The following CUX1 variants were observed in gnomAD, a reference collection of about 807,000 sequenced individuals.
The protein encoded by CUX1 is protein CASP.
A neutral mutation model predicts 158.8 loss-of-function variants in CUX1; 31 were observed. The observed-to-expected ratio is 0.20, with a 90% CI of 0.15 to 0.26. The LOEUF is 0.26. CUX1 is among the 10% of genes least tolerant of loss of function. The probability of loss-of-function intolerance (pLI) is 1.00; values close to 1 mark genes in which losing one functional copy is unlikely to be tolerated. For missense variants in CUX1, 1,589 were observed against 2,014.6 expected (o/e 0.79, Z 4.04); for synonymous variants, 879 against 862.1 (o/e 1.02, Z -0.34).
At chr7:101,835,021 TA>T (rs1794471671) in intron 1 of CUX1, among the ~76,000 whole-genome samples, 1 of 132,982 alleles carries the variant, frequency 7.5e-6, no homozygotes, top group Non-Finnish European at 1.7e-5. Flanking sequence ...AATAAATAAA[TA>T]AATAAATAAA....
At chr7:102,150,189 T>C (rs1229107527) in intron 8 of CUX1, among the ~76,000 whole-genome samples, 2 of 152,224 alleles carry the variant, frequency 1.3e-5, no homozygotes, top group African/African-American at 4.8e-5. Flanking sequence ...AGGGTCTCGC[T>C]CTGGTACCCA....
intron 4 of CUX1, among the ~76,000 whole-genome samples, chr7:102,079,767 A>G (rs576983526): frequency 3.3e-5 from 5 of 152,210 alleles, no homozygotes; most frequent in African/African-American, 1.2e-4. Flanking sequence ...CCCAAACAAA[A>G]CAGGACAGAA....
At chr7:102,033,917 A>C (rs1021484849) in intron 3 of CUX1, among the ~76,000 whole-genome samples, 7 of 152,074 alleles carry the variant, frequency 4.6e-5, no homozygotes, top group African/African-American at 7.2e-5. Flanking sequence ...AGGCTGAGGC[A>C]GGCAGATCAC....
At chr7:102,039,796 A>G (rs927278062) in intron 3 of CUX1, among the ~76,000 whole-genome samples, 6 of 152,036 alleles carry the variant, frequency 3.9e-5, no homozygotes, top group African/African-American at 9.7e-5. Flanking sequence ...GTGTACATCC[A>G]TAACTGTGTC....
chr7:102,176,716 C>A (rs1792395773), intron 10 of CUX1, among the ~76,000 whole-genome samples: 1 of 151,882 alleles, frequency 6.6e-6, no homozygotes, highest in South Asian at 2.1e-4. Context: ...GGACTATAGG[C>A]ATGCACCACA....
chr7:102,136,643 C>A (rs1469752356), intron 8 of CUX1, among the ~76,000 whole-genome samples: 1 of 152,234 alleles, frequency 6.6e-6, no homozygotes, highest in East Asian at 1.9e-4. Context: ...CCCACCTTGG[C>A]CTCCCAAAGT....
chr7:102,185,860 A>G (rs1793567924), intron 11 of CUX1, among the ~76,000 whole-genome samples: 1 of 152,098 alleles, frequency 6.6e-6, no homozygotes. Flanking sequence ...CTCTGTCAAG[A>G]TCTGCACTGT....
At chr7:102,017,470 C>T (rs1563135702) in intron 2 of CUX1, among the ~76,000 whole-genome samples, 1 of 108,754 alleles carries the variant, frequency 9.2e-6, no homozygotes, top group African/African-American at 3.4e-5. Flanking sequence ...TCACCATTCT[C>T]GCTAAGCTCC....
At chr7:101,955,490 T>A (rs967329749) in intron 2 of CUX1, among the ~76,000 whole-genome samples, 1 of 152,176 alleles carries the variant, frequency 6.6e-6, no homozygotes. Context: ...GAGCTGGAGT[T>A]CCACCAGGTC....
intron 1 of CUX1, among the ~76,000 whole-genome samples, chr7:101,906,646 C>T (rs1348198287): frequency 6.6e-6 from 1 of 152,100 alleles, no homozygotes; most frequent in Non-Finnish European, 1.5e-5. Flanking sequence ...CTTTCTAGGC[C>T]CCCACTGCAT....
At chr7:102,236,321 G>C (rs1447897769) in intron 22 of CUX1, among the ~76,000 whole-genome samples, 14 of 152,150 alleles carry the variant, frequency 9.2e-5, no homozygotes, top group Admixed American at 9.2e-4. Context: ...GCCTGCCCTT[G>C]GGCCTGTAGT....
chr7:102,015,149 GATGA>G (rs758019991), intron 2 of CUX1, among the ~76,000 whole-genome samples: 1 of 152,178 alleles, frequency 6.6e-6, no homozygotes, highest in Non-Finnish European at 1.5e-5. Context: ...GCACACAAGC[GATGA>G]ATAAACGTGA....
chr7:102,233,888 T>A (rs782110613), intron 21 of CUX1, among the ~76,000 whole-genome samples, 164 bp from the exon 22 acceptor site: 29 of 152,186 alleles, frequency 1.9e-4, no homozygotes, highest in Admixed American at 2.0e-4. Context: ...ATAAGTCTGG[T>A]TGAAGATATA....
intron 4 of CUX1, among the ~76,000 whole-genome samples, chr7:102,093,803 C>T (rs782129075): frequency 2.6e-5 from 4 of 152,288 alleles, no homozygotes; most frequent in South Asian, 2.1e-4. Flanking sequence ...ACAAGATTGT[C>T]GCATTGGGTG....
At chr7:101,985,695 C>T (rs1814207868) in intron 2 of CUX1, among the ~76,000 whole-genome samples, 1 of 152,134 alleles carries the variant, frequency 6.6e-6, no homozygotes, top group East Asian at 1.9e-4. Flanking sequence ...GAGCAAAAGC[C>T]ACCACCCTGT....
In CUX1 at chr7:102,080,507, AG is replaced by A. The variant is rs541644020; in HGVS notation, c.268+10095del. On this transcript the variant is annotated intron_variant, in intron 4 of 23. Transcript: ENST00000292535. ...TGTCATCGCGGGGACGGTGCTCACA[AG>A]GGGGACATTCATCCTCAGGCTGGTG... Among the ~76,000 whole-genome samples, 278 of 152,250 alleles carry A rather than the reference AG, an allele frequency of 1.8e-3. 1 individual carries two copies. Among genetic ancestry groups the A allele is most frequent in the Non-Finnish European group, 1.9e-3 (129 of 68,014 alleles).
At chr7:102,164,571 G>A (rs1192162142) in intron 9 of CUX1, among the ~76,000 whole-genome samples, 1 of 152,224 alleles carries the variant, frequency 6.6e-6, no homozygotes, top group Non-Finnish European at 1.5e-5. Flanking sequence ...GGAAACCACA[G>A]CTGACCCTCA....
At chr7:102,134,803 C>G (rs1278740279) in intron 8 of CUX1, among the ~76,000 whole-genome samples, 1 of 151,862 alleles carries the variant, frequency 6.6e-6, no homozygotes, top group African/African-American at 2.4e-5. Context: ...ACTGTGTTAC[C>G]CAGGCTGGTC....
At chr7:102,059,832 A>T (rs957177537) in intron 3 of CUX1, among the ~76,000 whole-genome samples, 1 of 152,044 alleles carries the variant, frequency 6.6e-6, no homozygotes, top group African/African-American at 2.4e-5. Context: ...AGTTTTGTTG[A>T]TTTTTATTGT....
Sources: gnomAD v4.1 joint callset for allele counts (sites outside exome capture counted in the v4.1 genomes callset) on GRCh38, gnomAD v4.1.1 for gene constraint, MANE v1.5 for transcripts, NCBI Gene and HGNC (gene_info 2026-07-23, HGNC 2026-07-21) for gene names.